The following KPNB1 variants were observed in gnomAD, a reference collection of about 807,000 sequenced individuals.
KPNB1 encodes karyopherin subunit beta 1.
KPNB1 carries 7 observed loss-of-function variants against 113.0 expected under a neutral mutation model. The observed-to-expected ratio is 0.06, with a 90% CI of 0.04 to 0.12. The LOEUF is 0.12. KPNB1 is among the 10% of genes least tolerant of loss of function. KPNB1 has a pLI of 1.00. For missense variants in KPNB1, 400 were observed against 1,054.8 expected, an observed-to-expected ratio of 0.38 and a Z score of 8.60; for synonymous variants, 363 against 378.6, an observed-to-expected ratio of 0.96 and a Z score of 0.48.
chr17:47,679,746 G>T, intron 19 of KPNB1: 1 of 266,518 alleles, frequency 3.8e-6, no homozygotes, highest in Non-Finnish European at 7.3e-6. Flanking sequence ...GCCTAGGCTG[G>T]AGCGCAGTGG....
Position 47,682,558 on chromosome 17 carries a change from GCCACAGCAGCAGCCGCAGCCGC to G in KPNB1, c.*156_*177del. On this transcript the variant is annotated 3_prime_UTR_variant, in exon 22 of 22. Coordinates refer to ENST00000290158, the MANE Select transcript of KPNB1 (RefSeq NM_002265.6). ...GAAAACACACCACATTGAAAATCCTGCCACAGCAGCAGCCGCAGCCGCCAACAGCAGCGCTGTTAGTGAGCTA... is the reference window on the plus strand; with the variant it reads ...GAAAACACACCACATTGAAAATCCTGCAACAGCAGCGCTGTTAGTGAGCTA... The G allele has an allele frequency of 1.5e-6, 1 of 663,474 alleles. No individual in the cohort carries two copies. The highest frequency in any genetic ancestry group is 2.6e-5 in the East Asian group (1 of 38,082). The allele number at this position is 663,474 out of a possible 1,614,324, so 41.1% of individuals were successfully genotyped here.
intron 3 of KPNB1, 57 bp downstream of exon 3, chr17:47,652,933 C>A: frequency 7.3e-7 from 1 of 1,371,590 alleles, no homozygotes; most frequent in Non-Finnish European, 9.9e-7. Context: ...ATCGCTTTCT[C>A]AGATCTTTTG....
At chr17:47,660,614 C>T (rs144209816) in intron 5 of KPNB1, among the ~76,000 whole-genome samples, 1 of 152,290 alleles carries the variant, frequency 6.6e-6, no homozygotes, top group East Asian at 1.9e-4. Flanking sequence ...GATTAGAAAA[C>T]TGGATTTTTC....
At chr17:47,650,736 A>C (rs1324808774) in intron 2 of KPNB1, among the ~76,000 whole-genome samples, 1 of 151,746 alleles carries the variant, frequency 6.6e-6, no homozygotes, top group Non-Finnish European at 1.5e-5. Flanking sequence ...AGAAAGAGGG[A>C]GGGAAGGGAA....
Position 47,669,667 on chromosome 17 carries a change from T to C in KPNB1, c.1225-11T>C. 6.4e-7 allele frequency: 1 copy of C among 1,574,640 alleles called. No individual in the cohort carries two copies. Among genetic ancestry groups the C allele is most frequent in the Non-Finnish European group, 8.7e-7 (1 of 1,146,472 alleles). On this transcript the variant is annotated splice_polypyrimidine_tract_variant and intron_variant, in intron 10 of 21. Coordinates refer to ENST00000290158, the MANE Select transcript of KPNB1 (RefSeq NM_002265.6). ...TTTGTTTTGCTTTGCTAATAACTGT[T>C]ATATTTTCAGGCTATGCCCACCCTA...
intron 5 of KPNB1, among the ~76,000 whole-genome samples, 189 bp from the exon 6 acceptor site, chr17:47,660,930 C>A (rs951605086): frequency 6.6e-6 from 1 of 152,188 alleles, no homozygotes; most frequent in Non-Finnish European, 1.5e-5. Flanking sequence ...ATAGCAGACA[C>A]CGAAGGTAAA....
intron 14 of KPNB1, 22 bp from the exon 15 acceptor site, chr17:47,674,616 T>G: frequency 6.2e-7 from 1 of 1,608,202 alleles, no homozygotes; most frequent in Non-Finnish European, 8.5e-7. Flanking sequence ...CAACTGATCT[T>G]GAACTCTTAC....
chr17:47,655,305 C>T (rs867083325), intron 3 of KPNB1, among the ~76,000 whole-genome samples: 9 of 152,104 alleles, frequency 5.9e-5, no homozygotes, highest in Non-Finnish European at 8.8e-5. Context: ...TAAATGGTGG[C>T]GTGGTTACCA....
intron 15 of KPNB1, among the ~76,000 whole-genome samples, chr17:47,675,387 T>TTTTTTTTC (rs1790136117): frequency 9.4e-6 from 1 of 106,468 alleles, no homozygotes; most frequent in South Asian, 2.8e-4. Flanking sequence ...TTTTTTTTGT[T>TTTTTTTTC]TGTTTTTTTT....
intron 5 of KPNB1, among the ~76,000 whole-genome samples, chr17:47,659,217 C>T (rs1471874423): frequency 2.0e-5 from 3 of 151,924 alleles, no homozygotes; most frequent in African/African-American, 2.4e-5. Context: ...GGTGTGGTGG[C>T]GTGCGCCTGT....
chr17:47,655,497 A>G (rs189055913), intron 3 of KPNB1, among the ~76,000 whole-genome samples: 1 of 152,294 alleles, frequency 6.6e-6, no homozygotes, highest in African/African-American at 2.4e-5. Flanking sequence ...TTGTTTTTGT[A>G]TTTAGTGATG....
At chr17:47,665,257 A>G (rs1013154952) in intron 9 of KPNB1, 99 bp downstream of exon 9, 41 of 874,668 alleles carry the variant, frequency 4.7e-5, no homozygotes, top group Non-Finnish European at 7.1e-5. Flanking sequence ...CCCATCAACT[A>G]TTTGATGTTC....
intron 5 of KPNB1, among the ~76,000 whole-genome samples, chr17:47,659,340 C>T (rs2030013178): frequency 6.6e-6 from 1 of 151,736 alleles, no homozygotes; most frequent in Non-Finnish European, 1.5e-5. Context: ...CAGAGCAAGA[C>T]TGTCTCAAAA....
In KPNB1 at chr17:47,650,044, GGA is replaced by G; in HGVS notation, c.-199_-198del. ...CCCGCCGCCAGCAGCCCATTTGGAG[GGA>G]GGAAGTAAGGGAAGAGGAGAGGAAG... On this transcript the variant is annotated 5_prime_UTR_variant, in exon 1 of 22. Coordinates refer to ENST00000290158, the MANE Select transcript of KPNB1 (RefSeq NM_002265.6). 7.3e-7 allele frequency: 1 copy of G among 1,361,878 alleles called. No individual in the cohort carries two copies. The highest frequency in any genetic ancestry group is 9.4e-7 in the Non-Finnish European group (1 of 1,063,274). The allele number at this position is 1,361,878 out of a possible 1,614,324, so 84.4% of individuals were successfully genotyped here.
chr17:47,683,173 GTTTTGTT>G lies in KPNB1; in HGVS notation c.*781_*787del, dbSNP rs1239656716. ...GGTTTTGTTTTGTTTTTTTTTTTTG[GTTTTGTT>G]TTTTGTTTTTTTTACTCTAGGGAAA... is the stretch of plus-strand genomic sequence containing the variant. On this transcript the variant is annotated 3_prime_UTR_variant, in exon 22 of 22. Transcript: ENST00000290158. 5.2e-5 allele frequency: 6 copies of G among 116,118 alleles called. No homozygotes were observed. In the South Asian group the frequency reaches 1.8e-3, roughly 34 times the overall value. The allele number at this position is 116,118 out of a possible 1,614,324, so 7.2% of individuals were successfully genotyped here. A position where few individuals can be genotyped will look rare whatever the true frequency, so the allele number is the denominator to read the frequency against.
chr17:47,678,259 A>G, intron 18 of KPNB1, 49 bp from the exon 19 acceptor site: 1 of 1,609,600 alleles, frequency 6.2e-7, no homozygotes, highest in Non-Finnish European at 8.5e-7. Flanking sequence ...ACAAACATGC[A>G]GCTAAAAGTG....
In KPNB1 at chr17:47,667,562, GT is replaced by G. The variant is rs796857460; in HGVS notation, c.1000-611del. On this transcript the variant is annotated intron_variant, in intron 9 of 21. Coordinates refer to ENST00000290158, the MANE Select transcript of KPNB1 (RefSeq NM_002265.6). ...TATTTATTATTATTTTTAATACTAT[GT>G]TTTTTTTTTTTTCTGACAGAGTCTC... Among the ~76,000 whole-genome samples the G allele has an allele frequency of 3.8e-3, 539 of 142,744 alleles. 1 individual carries two copies. The highest frequency in any genetic ancestry group is 1.0e-2 in the African/African-American group (389 of 39,086). 93.6% of individuals were successfully genotyped at this position (142,744 alleles called of 152,430 possible). A position where few individuals can be genotyped will look rare whatever the true frequency, so the allele number is the denominator to read the frequency against.
Position 47,678,250 on chromosome 17 carries a change from C to T in KPNB1, c.2248-58C>T. The T allele has an allele frequency of 5.6e-6, 9 of 1,610,254 alleles. No individual in the cohort carries two copies. The South Asian group carries it at 9.9e-5, about 18-fold the overall frequency. On this transcript the variant is annotated intron_variant, in intron 18 of 21. Transcript: ENST00000290158. ...TAGCTCTAATTGGAGGGACTATTGA[C>T]AAACATGCAGCTAAAAGTGATCAGT... is the stretch of plus-strand genomic sequence containing the variant.
intron 18 of KPNB1, 35 bp downstream of exon 18, chr17:47,678,224 C>T: frequency 6.3e-7 from 1 of 1,576,894 alleles, no homozygotes; most frequent in Non-Finnish European, 8.7e-7. Context: ...TTCTTTAAGT[C>T]TAGCTCTAAT....
Sources: gnomAD v4.1 joint callset for allele counts (sites outside exome capture counted in the v4.1 genomes callset) on GRCh38, gnomAD v4.1.1 for gene constraint, MANE v1.5 for transcripts, NCBI Gene and HGNC (gene_info 2026-07-23, HGNC 2026-07-21) for gene names.